Variants in EDARADD observed in about 807,000 individuals in gnomAD.
EDARADD encodes EDAR associated via death domain.
In EDARADD, 20 loss-of-function variants were observed where a neutral mutation model predicts 25.6. The observed-to-expected ratio is 0.78, with a 90% confidence interval of 0.55 to 1.14. The LOEUF is 1.14. EDARADD is among the 50% of genes most tolerant of loss of function. The pLI is 0.00. For missense variants in EDARADD, 225 were observed against 270.1 expected, an observed-to-expected ratio of 0.83 and a Z score of 1.17; for synonymous variants, 86 against 94.4, an observed-to-expected ratio of 0.91 and a Z score of 0.52.
At chr1:236,349,464 G>A (rs1219397358) in intron 2 of EDARADD, among the ~76,000 whole-genome samples, 1 of 149,282 alleles carries the variant, frequency 6.7e-6, no homozygotes, top group Non-Finnish European at 1.5e-5. Context: ...TTTTAGGGAG[G>A]TATGAGACAT....
intron 1 of EDARADD, among the ~76,000 whole-genome samples, chr1:236,399,901 C>T (rs61833987): frequency 0.026 from 4,018 of 152,328 alleles, 74 homozygotes; most frequent in Non-Finnish European, 0.041. Flanking sequence ...CTCAGGACAG[C>T]CCCAGTGGTG....
At chr1:236,463,153 G>A (rs1488064473) in intron 4 of EDARADD, among the ~76,000 whole-genome samples, 1 of 152,114 alleles carries the variant, frequency 6.6e-6, no homozygotes, top group African/African-American at 2.4e-5. Flanking sequence ...GCATTTCTCT[G>A]CTATCCTCGG....
intron 4 of EDARADD, among the ~76,000 whole-genome samples, chr1:236,462,555 C>T (rs573221114): frequency 5.9e-5 from 9 of 152,228 alleles, no homozygotes; most frequent in African/African-American, 2.2e-4. Context: ...AGAGCTTTTC[C>T]CAGGGTGTGC....
intron 3 of EDARADD, among the ~76,000 whole-genome samples, chr1:236,415,938 C>T (rs190043085): frequency 6.6e-6 from 1 of 152,318 alleles, no homozygotes; most frequent in Admixed American, 6.5e-5. Flanking sequence ...GCCCAGCACG[C>T]ACTAACGTGA....
chr1:236,409,470 G>A (rs938040425), intron 2 of EDARADD, among the ~76,000 whole-genome samples, 196 bp downstream of exon 2: 19 of 152,228 alleles, frequency 1.2e-4, no homozygotes, highest in African/African-American at 3.9e-4. Flanking sequence ...TAAAAATGGC[G>A]TTAGATTCTT....
At chr1:236,358,736 CTGTT>C (rs367850592) in intron 3 of EDARADD, among the ~76,000 whole-genome samples, 10,879 of 152,166 alleles carry the variant, frequency 0.071, 483 homozygotes, top group African/African-American at 0.12. Context: ...GTCTGAGAGA[CTGTT>C]TGTTATGATT....
At chr1:236,391,463 C>A (rs1416703187), upstream of EDARADD, among the ~76,000 whole-genome samples, 1 of 152,178 alleles carries the variant, frequency 6.6e-6, no homozygotes, top group Non-Finnish European at 1.5e-5. Flanking sequence ...AAGGGTATAT[C>A]AAGCAAATTC....
Position 236,467,764 on chromosome 1 carries a change from C to CT in EDARADD, c.220-455dup, listed in dbSNP as rs769609962. 1.3e-3 allele frequency among the ~76,000 whole-genome samples: 189 copies of CT among 146,620 alleles called. 2 individuals carry two copies. In the Middle Eastern group the frequency reaches 0.018, roughly 14 times the overall value. ...GCACATTGTTGCATGCATTGATACCCTTTTTTTTTTTTCTTTGAGATCTTG... is the reference window on the plus strand; with the variant it reads ...GCACATTGTTGCATGCATTGATACCCTTTTTTTTTTTTTCTTTGAGATCTTG... On this transcript the variant is annotated intron_variant, in intron 4 of 5. Transcript: ENST00000334232.
chr1:236,459,252 T>C (rs1658971457), intron 4 of EDARADD, among the ~76,000 whole-genome samples: 1 of 152,184 alleles, frequency 6.6e-6, no homozygotes, highest in African/African-American at 2.4e-5. Context: ...CATAGCCCCG[T>C]GCTCTACTTG....
chr1:236,428,492 G>A (rs36150994), intron 4 of EDARADD, among the ~76,000 whole-genome samples: 1 of 151,648 alleles, frequency 6.6e-6, no homozygotes, highest in African/African-American at 2.4e-5. Flanking sequence ...TGGGTACACC[G>A]CCCAGACGGG....
chr1:236,409,101 C>G, intron 1 of EDARADD, 115 bp from the exon 2 acceptor site: 24 of 436,318 alleles, frequency 5.5e-5, no homozygotes, highest in Non-Finnish European at 8.5e-5. Context: ...GTAAGGTTTT[C>G]TTCAGCCTAA....
rs144771254 is a variant in EDARADD at position 236,353,251 on chromosome 1, C to T, written c.-6+2412C>T. 1.2e-4 allele frequency among the ~76,000 whole-genome samples: 19 copies of T among 152,280 alleles called. No individual in the cohort carries two copies. The East Asian group carries it at 3.7e-3, about 29-fold the overall frequency. ...CTGTGTGACCTTGGGCAAACTCTTC[C>T]CCTCCTGGTCTCCCTTATCTGTATC... On this transcript the variant is annotated intron_variant, in intron 3 of 7. Transcript: ENST00000439430.
chr1:236,432,099 A>C (rs1328268540), intron 4 of EDARADD, among the ~76,000 whole-genome samples: 1 of 152,228 alleles, frequency 6.6e-6, no homozygotes. Context: ...ATAAAGTTTT[A>C]ATTACTTTAA....
intron 1 of EDARADD, among the ~76,000 whole-genome samples, chr1:236,401,549 C>T (rs1215935386): frequency 6.6e-6 from 1 of 152,152 alleles, no homozygotes; most frequent in South Asian, 2.1e-4. Flanking sequence ...ACGTGTTTCC[C>T]AGCATTCCTG....
intron 3 of EDARADD, among the ~76,000 whole-genome samples, chr1:236,369,050 T>C (rs1667144429): frequency 6.6e-6 from 1 of 152,160 alleles, no homozygotes; most frequent in South Asian, 2.1e-4. Flanking sequence ...TGCCTCAGCC[T>C]CCCAAAGTGC....
chr1:236,438,561 C>A (rs1404729037), intron 4 of EDARADD, among the ~76,000 whole-genome samples: 1 of 152,106 alleles, frequency 6.6e-6, no homozygotes, highest in Non-Finnish European at 1.5e-5. Flanking sequence ...AACTGAAGAC[C>A]CCATGTCATT....
Position 236,405,167 on chromosome 1 carries a change from CT to C in EDARADD, c.62-4046del, listed in dbSNP as rs200880589. Among the ~76,000 whole-genome samples, 976 of 152,274 alleles carry C rather than the reference CT, an allele frequency of 6.4e-3. 8 individuals are homozygous for C. The highest frequency in any genetic ancestry group is 0.022 in the African/African-American group (932 of 41,548). ...CTAACACCTGTTCTAAAAGTAGTGC[CT>C]TTCCCAGTTCCCCTCTCACTTCATT... On this transcript the variant is annotated intron_variant, in intron 1 of 5. Transcript: ENST00000334232.
At chr1:236,351,897 GA>G (rs36011179) in intron 3 of EDARADD, among the ~76,000 whole-genome samples, 1 of 152,000 alleles carries the variant, frequency 6.6e-6, no homozygotes, top group South Asian at 2.1e-4. Context: ...AGAATTCCTG[GA>G]AAAAGGTGGA....
At chr1:236,438,326 A>T (rs1658314760) in intron 4 of EDARADD, among the ~76,000 whole-genome samples, 1 of 152,248 alleles carries the variant, frequency 6.6e-6, no homozygotes, top group Non-Finnish European at 1.5e-5. Context: ...GTTTGAAAAC[A>T]AAGCAAAACA....
Sources: allele counts gnomAD v4.1 joint callset (sites outside exome capture counted in the v4.1 genomes callset), GRCh38; gene constraint gnomAD v4.1.1; transcripts MANE v1.5; gene names NCBI Gene and HGNC (gene_info 2026-07-23, HGNC 2026-07-21).